HECTD4: variants seen among roughly 807,000 people sequenced by gnomAD.
HECTD4 encodes the protein HECT domain E3 ubiquitin protein ligase 4.
HECTD4 carries 114 observed loss-of-function variants against 471.5 expected under a neutral mutation model. That is an observed-to-expected ratio of 0.24 (90% confidence interval 0.21 to 0.28). The LOEUF is 0.28. HECTD4 is among the 10% of genes least tolerant of loss of function. The pLI, the probability that HECTD4 is intolerant of heterozygous loss-of-function variation, is 1.00. For missense variants in HECTD4, 3,866 were observed against 5,651.5 expected (o/e 0.68, Z 10.13); for synonymous variants, 2,012 against 2,256.0 (o/e 0.89, Z 3.07).
Position 112,172,866 on chromosome 12 carries a change from G to A in HECTD4, c.11595-5C>T, listed in dbSNP as rs1478746663. ...CGGACATCGATGCATGCGCACCTTG[G>A]GGTGGGGACAGGGGGAGAGGGGCAA... On this transcript the variant is annotated splice_region_variant and splice_polypyrimidine_tract_variant and intron_variant, in intron 66 of 75. Transcript: ENST00000682272. 1.2e-6 allele frequency: 2 copies of A among 1,613,464 alleles called. No individual in the cohort carries two copies. The highest frequency in any genetic ancestry group is 1.1e-5 in the South Asian group (1 of 91,066).
In HECTD4 at chr12:112,184,113, T is replaced by C. The variant is rs2031771205; in HGVS notation, c.10779+74A>G. ...ACCATTACCTACTAGGAAATAACTTTGGAAGATTTAAAGAGGCTTGGGGGA... is the reference window on the plus strand; with the variant it reads ...ACCATTACCTACTAGGAAATAACTTCGGAAGATTTAAAGAGGCTTGGGGGA... On this transcript the variant is annotated intron_variant, in intron 61 of 75. Transcript: ENST00000682272. This position sits in a 1 kb window ranked among gnomAD's most constrained non-coding sequence, Gnocchi z 9.1. The C allele has an allele frequency of 1.4e-6, 2 of 1,384,740 alleles. No homozygotes were observed. Among genetic ancestry groups the C allele is most frequent in the South Asian group, 1.4e-5 (1 of 73,840 alleles). 85.8% of individuals were successfully genotyped at this position (1,384,740 alleles called of 1,614,324 possible). A position where few individuals can be genotyped will look rare whatever the true frequency, so the allele number is the denominator to read the frequency against.
In HECTD4 at chr12:112,179,241, T is replaced by C. The variant is rs1593900172; in HGVS notation, c.11144A>G (p.Asn3715Ser). The change falls in exon 63 of 76, where the codon AAC becomes AGC. Residue 3715 changes from asparagine (N) to serine (S), a missense_variant. Asn to Ser is a conservative substitution (Grantham distance 46). This residue lies in a region of HECTD4 where 715 missense variants were observed against 1,087.6 expected (regional missense o/e 0.66). Coordinates refer to ENST00000682272, the MANE Select transcript of HECTD4 (RefSeq NM_001388303.1). This position sits in a 1 kb window ranked among gnomAD's most constrained non-coding sequence, Gnocchi z 4.3. ...ATTGGTGAAGAAGAGGTGGAGGAGG[T>C]TGCCTGGGGTCTGGGAGTTGATCTG... ...KEQINSQTPG[N>S]LLHLFFTNVR... 1 of 1,613,490 alleles carries C rather than the reference T, an allele frequency of 6.2e-7. No homozygotes were observed. Among genetic ancestry groups the C allele is most frequent in the Admixed American group, 1.7e-5 (1 of 59,950 alleles).
chr12:112,356,498 G>T (rs1162533755), intron 1 of HECTD4, among the ~76,000 whole-genome samples: 1 of 152,076 alleles, frequency 6.6e-6, no homozygotes, highest in Non-Finnish European at 1.5e-5. Context: ...GAGTGCAGTG[G>T]CATGATCTTG....
Position 112,228,788 on chromosome 12 carries a change from T to C in HECTD4, c.6543A>G (p.Gly2181=). 6.2e-7 allele frequency: 1 copy of C among 1,613,822 alleles called. No homozygotes were observed. The highest frequency in any genetic ancestry group is 2.2e-5 in the East Asian group (1 of 44,878). ...EVQVLGRGIS[G]SIGVVASINE... ...TGATAGAAGCCACTACTCCAATGCT[T>C]CCTGAAATTCCTCTACCTAAAACCT... is the stretch of plus-strand genomic sequence containing the variant. Residue 2181 remains glycine (G), a synonymous_variant, in exon 42 of 76, where the codon GGA becomes GGG. Coordinates refer to ENST00000682272, the MANE Select transcript of HECTD4 (RefSeq NM_001388303.1). The surrounding 1 kb of genome is among the most constrained non-coding windows in gnomAD (Gnocchi z 4.9).
intron 55 of HECTD4, among the ~76,000 whole-genome samples, chr12:112,197,619 C>T (rs1270514763): frequency 6.6e-6 from 1 of 152,180 alleles, no homozygotes; most frequent in African/African-American, 2.4e-5. Context: ...CCTATGTCTT[C>T]CAATACCAGG....
chr12:112,303,061 T>C (rs2035197438), intron 7 of HECTD4, among the ~76,000 whole-genome samples: 1 of 148,728 alleles, frequency 6.7e-6, no homozygotes, highest in Non-Finnish European at 1.5e-5. Flanking sequence ...CTGGAAGACA[T>C]CACTTGTGGG....
At chr12:112,185,660 G>A (rs1010061561) in intron 60 of HECTD4, among the ~76,000 whole-genome samples, 167 bp from the exon 61 acceptor site, 1 of 152,244 alleles carries the variant, frequency 6.6e-6, no homozygotes, top group African/African-American at 2.4e-5. Context: ...TGGAGGCCTG[G>A]CTGGAAGGCA....
At chr12:112,198,787 T>G (rs1467194215) in intron 55 of HECTD4, among the ~76,000 whole-genome samples, 2 of 152,356 alleles carry the variant, frequency 1.3e-5, no homozygotes, top group East Asian at 3.9e-4. Flanking sequence ...ACCTCAGAAC[T>G]GCCCTTGGTT....
At chr12:112,338,479 G>C (rs1443565075) in intron 1 of HECTD4, among the ~76,000 whole-genome samples, 1 of 152,084 alleles carries the variant, frequency 6.6e-6, no homozygotes, top group Non-Finnish European at 1.5e-5. Flanking sequence ...AAATTAGCTA[G>C]ACATGGTGGT....
chr12:112,164,102 C>CA lies in HECTD4; in HGVS notation c.12701+6dup, dbSNP rs1409811479. Reference sequence around the variant, plus strand: ...CCTGCCAGCCCCTGACACGCGCACACACTCACGCCACAAGGATGTGCCGGC... The same window carrying CA: ...CCTGCCAGCCCCTGACACGCGCACACAACTCACGCCACAAGGATGTGCCGGC... On this transcript the variant is annotated splice_region_variant and intron_variant, in intron 73 of 75. Transcript: ENST00000682272. The CA allele has an allele frequency of 6.4e-5, 99 of 1,557,902 alleles. No individual in the cohort carries two copies. The highest frequency in any genetic ancestry group is 8.5e-5 in the Non-Finnish European group (98 of 1,149,790).
At chr12:112,229,507 T>C (rs1187655273) in intron 41 of HECTD4, among the ~76,000 whole-genome samples, 191 bp downstream of exon 41, 1 of 152,258 alleles carries the variant, frequency 6.6e-6, no homozygotes, top group African/African-American at 2.4e-5. Context: ...AGTATTGCAT[T>C]AATATCTGAA....
At chr12:112,200,044 G>A (rs952328247) in intron 55 of HECTD4, among the ~76,000 whole-genome samples, 2 of 152,180 alleles carry the variant, frequency 1.3e-5, no homozygotes, top group Non-Finnish European at 2.9e-5. Context: ...TTGCATTGCA[G>A]CGTTTGGGTG....
chr12:112,363,758 C>T (rs967927667), intron 1 of HECTD4, among the ~76,000 whole-genome samples: 1 of 151,490 alleles, frequency 6.6e-6, no homozygotes. Flanking sequence ...AGGTGGATCA[C>T]GAGGTCAGGA....
chr12:112,364,935 G>C (rs1302386762), intron 1 of HECTD4, among the ~76,000 whole-genome samples: 2 of 152,142 alleles, frequency 1.3e-5, no homozygotes, highest in African/African-American at 4.8e-5. Flanking sequence ...ATAAGATCTT[G>C]TCACAACTAC....
At chr12:112,288,553 G>C (rs543800858) in intron 7 of HECTD4, among the ~76,000 whole-genome samples, 3 of 152,112 alleles carry the variant, frequency 2.0e-5, no homozygotes, top group African/African-American at 4.8e-5. Context: ...GCCCAGAGTG[G>C]GGAGTTTGCA....
chr12:112,283,175 G>A lies in HECTD4; in HGVS notation c.1463C>T (p.Pro488Leu). 6.2e-7 allele frequency: 1 copy of A among 1,613,776 alleles called. No individual in the cohort carries two copies. The highest frequency in any genetic ancestry group is 1.1e-5 in the South Asian group (1 of 91,038). ...LSRLSRYRAS[P>L]SATLAALTGS... is the part of the protein sequence containing the mutation. Reference sequence around the variant, plus strand: ...AGTCAGGGCAGCAAGCGTTGCTGACGGGGAGGCTCTATACCGAGAAAGTCT... The same window carrying A: ...AGTCAGGGCAGCAAGCGTTGCTGACAGGGAGGCTCTATACCGAGAAAGTCT... The change falls in exon 8 of 76, where the codon CCG becomes CTG. Residue 488 changes from proline (P) to leucine (L), a missense_variant. Transcript: ENST00000682272.
At position 112,293,619 on chromosome 12, in the gene HECTD4, G is replaced by A. The variant is rs2034945623; in HGVS notation, c.1336-10317C>T. On this transcript the variant is annotated intron_variant, in intron 7 of 75. Coordinates refer to ENST00000682272, the MANE Select transcript of HECTD4 (RefSeq NM_001388303.1). ...ATAATAGAGCAAGGTACAGAAGAAT[G>A]TGTATAATAAATCACCATTTGTGTA... Among the ~76,000 whole-genome samples the A allele has an allele frequency of 2.0e-5, 3 of 152,248 alleles. No homozygotes were observed. In the South Asian group the frequency reaches 6.2e-4, roughly 32 times the overall value.
intron 45 of HECTD4, 30 bp from the exon 46 acceptor site, chr12:112,217,225 T>C (rs1351140357): frequency 8.1e-6 from 12 of 1,474,566 alleles, no homozygotes; most frequent in Non-Finnish European, 1.1e-5. Flanking sequence ...CCATATTCAG[T>C]AGAACTGCAA....
Position 112,290,848 on chromosome 12 carries a change from C to CAAAAAAAAAAAAAA in HECTD4, c.1336-7547_1336-7546insTTTTTTTTTTTTTT, listed in dbSNP as rs773634720. Among the ~76,000 whole-genome samples, 52 of 86,180 alleles carry CAAAAAAAAAAAAAA rather than the reference C, an allele frequency of 6.0e-4. 6 individuals carry two copies. The East Asian group carries it at 0.02, about 33-fold the overall frequency. 56.5% of individuals were successfully genotyped at this position (86,180 alleles called of 152,430 possible). ...GAGCAACAAGAGCGAAACTCCGTCT[C>CAAAAAAAAAAAAAA]AAAAAAAAACAAAACAAAAAAAAAA... On this transcript the variant is annotated intron_variant, in intron 7 of 75. Coordinates refer to ENST00000682272, the MANE Select transcript of HECTD4 (RefSeq NM_001388303.1).
Sources: allele counts gnomAD v4.1 joint callset (sites outside exome capture counted in the v4.1 genomes callset), GRCh38; gene constraint gnomAD v4.1.1; regional missense constraint gnomAD v4.1.1; non-coding constraint Gnocchi (gnomAD v3.1); transcripts MANE v1.5; gene names NCBI Gene and HGNC (gene_info 2026-07-23, HGNC 2026-07-21).